C10orf67: variants seen among roughly 807,000 people sequenced by gnomAD.
C10orf67 encodes the protein chromosome 10 open reading frame 67.
In C10orf67, 60 loss-of-function variants were observed where a neutral mutation model predicts 35.6. The ratio of observed to expected loss-of-function variants is 1.68; its 90% CI spans 1.37 to 2.09. The LOEUF (loss-of-function observed/expected upper bound fraction) is 2.09, where lower values mean the gene tolerates loss of function less well. Ranked by LOEUF, C10orf67 falls within the 30% of genes most tolerant of loss-of-function variation. The pLI is 0.00. For synonymous variants in C10orf67, 167 were observed against 115.8 expected, an observed-to-expected ratio of 1.44 and a Z score of -2.84; for missense variants, 474 against 330.2, an observed-to-expected ratio of 1.44 and a Z score of -3.38.
intron 2 of C10orf67, 61 bp from the exon 3 acceptor site, chr10:23,322,598 A>AAG: frequency 1.7e-6 from 2 of 1,145,346 alleles, no homozygotes; most frequent in Non-Finnish European, 1.2e-6. Context: ...CAAATACTGC[A>AAG]TGTTGTCACT....
chr10:23,274,288 A>G (rs1843117048), intron 8 of C10orf67, among the ~76,000 whole-genome samples: 1 of 152,086 alleles, frequency 6.6e-6, no homozygotes, highest in East Asian at 1.9e-4. Context: ...AGCGTTCGGG[A>G]GCAGACAACT....
At chr10:23,213,408 A>G (rs1421305342) in intron 15 of C10orf67, among the ~76,000 whole-genome samples, 1 of 152,234 alleles carries the variant, frequency 6.6e-6, no homozygotes, top group Non-Finnish European at 1.5e-5. Flanking sequence ...TACATTGAAC[A>G]CCATAAAGAA....
intron 2 of C10orf67, among the ~76,000 whole-genome samples, chr10:23,323,452 T>C (rs143327574): frequency 6.6e-6 from 1 of 151,936 alleles, no homozygotes; most frequent in African/African-American, 2.4e-5. Context: ...AGACTCCAGC[T>C]CTTCAAAAAC....
At chr10:23,265,703 G>A (rs1213614160) in intron 10 of C10orf67, among the ~76,000 whole-genome samples, 1 of 152,214 alleles carries the variant, frequency 6.6e-6, no homozygotes, top group Non-Finnish European at 1.5e-5. Context: ...AGCCCACAGT[G>A]AGCTGAGTGT....
intron 9 of C10orf67, among the ~76,000 whole-genome samples, chr10:23,266,716 G>A (rs1842891346): frequency 6.6e-6 from 1 of 152,094 alleles, no homozygotes; most frequent in Admixed American, 6.5e-5. Flanking sequence ...CTATGTGGAG[G>A]GGGGTGGGTG....
rs183358915 is a variant in C10orf67 at position 23,209,002 on chromosome 10, G to A, written c.1571-4747C>T. 9.1e-4 allele frequency among the ~76,000 whole-genome samples: 138 copies of A among 152,126 alleles called. 1 individual carries two copies. The highest frequency in any genetic ancestry group is 3.1e-3 in the African/African-American group (129 of 41,494). ...ATGACCAGCTGAACACAGAAGCTCA[G>A]CGAGACCAGGCAGAAGACCCACCAC... On this transcript the variant is annotated intron_variant, in intron 15 of 15. Coordinates refer to ENST00000636213, the MANE Select transcript of C10orf67 (RefSeq NM_001371909.1).
At chr10:23,315,409 T>C (rs1340816347) in intron 4 of C10orf67, among the ~76,000 whole-genome samples, 2 of 152,176 alleles carry the variant, frequency 1.3e-5, no homozygotes, top group Non-Finnish European at 2.9e-5. Context: ...CACAAAGAAC[T>C]ATAAGAGCAT....
intron 4 of C10orf67, among the ~76,000 whole-genome samples, chr10:23,309,680 C>T (rs141214215): frequency 3.9e-5 from 6 of 152,246 alleles, no homozygotes; most frequent in African/African-American, 9.6e-5. Context: ...GAGCATGTCA[C>T]GGAAGTGCCC....
intron 7 of C10orf67, among the ~76,000 whole-genome samples, chr10:23,283,599 A>G (rs1352247737): frequency 2.6e-5 from 4 of 152,158 alleles, no homozygotes; most frequent in Non-Finnish European, 4.4e-5. Flanking sequence ...ATCTTCTGCC[A>G]CCGTCCTCTG....
intron 13 of C10orf67, among the ~76,000 whole-genome samples, chr10:23,225,995 C>T (rs960359693): frequency 6.6e-6 from 1 of 152,074 alleles, no homozygotes; most frequent in South Asian, 2.1e-4. Context: ...TAATGGGAGA[C>T]TTTAACACCC....
intron 12 of C10orf67, among the ~76,000 whole-genome samples, chr10:23,248,139 T>C (rs1842363107): frequency 6.6e-6 from 1 of 152,192 alleles, no homozygotes; most frequent in Admixed American, 6.5e-5. Context: ...TAACATTTCT[T>C]ATGCGCTTGA....
At chr10:23,296,465 C>T (rs1213524654) in intron 5 of C10orf67, among the ~76,000 whole-genome samples, 2 of 152,196 alleles carry the variant, frequency 1.3e-5, no homozygotes, top group African/African-American at 4.8e-5. Context: ...GAAGCGGTCA[C>T]CTTCCCAGCT....
chr10:23,223,815 C>G lies in C10orf67; in HGVS notation c.1438G>C (p.Val480Leu), dbSNP rs1313481189. Residue 480 changes from valine to leucine, a missense_variant, in exon 14 of 16, where the codon GTA becomes CTA. Physicochemically the swap from Val to Leu is conservative, Grantham distance 32. Transcript: ENST00000636213. Reference sequence around the variant, plus strand: ...CTAGACTGCACTAATAAGGGTTTTACTTTCTGAAAGACACAAAAGATATGT... The same window carrying G: ...CTAGACTGCACTAATAAGGGTTTTAGTTTCTGAAAGACACAAAAGATATGT... ...LADTSFNYIK[V>L]KPLLVQSRTT... is the part of the protein sequence containing the mutation. The G allele has an allele frequency of 2.8e-6, 2 of 715,086 alleles. No homozygotes were observed. The allele number at this position is 715,086 out of a possible 1,614,324, so 44.3% of individuals were successfully genotyped here.
intron 1 of C10orf67, among the ~76,000 whole-genome samples, chr10:23,341,187 A>G (rs1845869190): frequency 6.6e-6 from 1 of 152,174 alleles, no homozygotes; most frequent in Admixed American, 6.5e-5. Context: ...TCTTTGTGCT[A>G]ATTATTTCCA....
chr10:23,282,987 A>G (rs80064892), intron 7 of C10orf67, among the ~76,000 whole-genome samples: 1 of 152,082 alleles, frequency 6.6e-6, no homozygotes, highest in South Asian at 2.1e-4. Flanking sequence ...AATGAATAAG[A>G]CCTAGTATTT....
intron 13 of C10orf67, among the ~76,000 whole-genome samples, chr10:23,236,421 ACTCTGTC>A (rs1842055656): frequency 6.6e-6 from 1 of 151,536 alleles, no homozygotes; most frequent in Non-Finnish European, 1.5e-5. Context: ...ACAGAGTGAG[ACTCTGTC>A]TCAAAACAAA....
At chr10:23,231,660 C>T (rs373407077) in intron 13 of C10orf67, among the ~76,000 whole-genome samples, 2 of 152,154 alleles carry the variant, frequency 1.3e-5, no homozygotes, top group African/African-American at 2.4e-5. Flanking sequence ...GAGTATAAAA[C>T]CTGGAAGAGC....
intron 2 of C10orf67, among the ~76,000 whole-genome samples, chr10:23,327,493 A>G (rs550007420): frequency 3.5e-4 from 53 of 152,326 alleles, no homozygotes; most frequent in Non-Finnish European, 6.0e-4. Context: ...CTTCATATAG[A>G]AAAAATACAT....
At chr10:23,297,078 C>T in intron 5 of C10orf67, among the ~76,000 whole-genome samples, 1 of 152,182 alleles carries the variant, frequency 6.6e-6, no homozygotes, top group Admixed American at 6.5e-5. Context: ...CGTGAGGTTC[C>T]CCATTCTATT....
Sources: gnomAD v4.1 joint callset for allele counts (sites outside exome capture counted in the v4.1 genomes callset) on GRCh38, gnomAD v4.1.1 for gene constraint, MANE v1.5 for transcripts, NCBI Gene and HGNC (gene_info 2026-07-23, HGNC 2026-07-21) for gene names.